The following PCDH15 variants were observed in gnomAD, a reference collection of about 807,000 sequenced individuals.
PCDH15 encodes the protein protocadherin related 15.
Under a neutral mutation model 178.5 loss-of-function variants are expected in PCDH15, and 129 were observed. The ratio of observed to expected loss-of-function variants is 0.72; its 90% confidence interval spans 0.63 to 0.84. The LOEUF (loss-of-function observed/expected upper bound fraction) is 0.84, where lower values mean the gene tolerates loss of function less well. Among genes scored for constraint, PCDH15 ranks in the 40% least tolerant of loss-of-function variants. The pLI is 0.00. For missense variants in PCDH15, 2,230 were observed against 2,099.9 expected (o/e 1.06, Z -1.21); for synonymous variants, 800 against 732.0 (o/e 1.09, Z -1.50).
intron 11 of PCDH15, among the ~76,000 whole-genome samples, chr10:54,191,751 C>CA (rs10564694): frequency 0.25 from 32,745 of 128,818 alleles, 4,771 homozygotes; most frequent in Non-Finnish European, 0.36. Context: ...ACAAAAAATG[C>CA]AAAAAAAAAA....
At chr10:54,635,415 C>T (rs1041693729) in intron 2 of PCDH15, among the ~76,000 whole-genome samples, 1 of 151,380 alleles carries the variant, frequency 6.6e-6, no homozygotes, top group African/African-American at 2.4e-5. Context: ...CACATAATTT[C>T]ATACACTGTG....
intron 13 of PCDH15, among the ~76,000 whole-genome samples, chr10:54,156,341 G>A (rs932067339): frequency 2.0e-5 from 3 of 152,096 alleles, no homozygotes; most frequent in Non-Finnish European, 4.4e-5. Flanking sequence ...ATTTACAAAG[G>A]GAAGGTTTAT....
intron 1 of PCDH15, among the ~76,000 whole-genome samples, chr10:55,287,546 C>A (rs1564970565): frequency 6.6e-6 from 1 of 151,964 alleles, no homozygotes; most frequent in Non-Finnish European, 1.5e-5. Flanking sequence ...ATGTTCAATG[C>A]CTGAGTTGCA....
At chr10:54,701,287 T>C (rs1363499043) in intron 1 of PCDH15, among the ~76,000 whole-genome samples, 1 of 152,068 alleles carries the variant, frequency 6.6e-6, no homozygotes, top group Non-Finnish European at 1.5e-5. Context: ...TGACCTGCCT[T>C]AAAAGAGGTC....
intron 5 of PCDH15, among the ~76,000 whole-genome samples, chr10:54,350,607 C>T (rs2134245288): frequency 6.6e-6 from 1 of 152,280 alleles, no homozygotes; most frequent in African/African-American, 2.4e-5. Flanking sequence ...TCTGAAAAGT[C>T]TAAAAAGGCT....
chr10:54,909,003 G>C (rs1954773584), intron 2 of PCDH15, among the ~76,000 whole-genome samples: 1 of 152,152 alleles, frequency 6.6e-6, no homozygotes, highest in Non-Finnish European at 1.5e-5. Flanking sequence ...TGCTAGGCAG[G>C]TCATCCCGAC....
intron 26 of PCDH15, among the ~76,000 whole-genome samples, chr10:53,890,944 C>G (rs2081513738): frequency 6.6e-6 from 1 of 152,092 alleles, no homozygotes; most frequent in African/African-American, 2.4e-5. Context: ...TTTCTTATGG[C>G]TTATTTGGAA....
At chr10:54,166,285 T>A (rs893060848) in intron 13 of PCDH15, among the ~76,000 whole-genome samples, 2 of 152,196 alleles carry the variant, frequency 1.3e-5, no homozygotes, top group African/African-American at 4.8e-5. Context: ...ATTGTGATGT[T>A]TTCTGATTAT....
At chr10:54,945,944 T>A (rs1838188758) in intron 2 of PCDH15, among the ~76,000 whole-genome samples, 1 of 151,854 alleles carries the variant, frequency 6.6e-6, no homozygotes, top group Admixed American at 6.6e-5. Flanking sequence ...TGTGTTTCAA[T>A]GTACTCAATT....
chr10:54,115,220 T>C (rs1039795592), intron 15 of PCDH15, among the ~76,000 whole-genome samples: 7 of 152,070 alleles, frequency 4.6e-5, no homozygotes. Context: ...AAGAGAAAGG[T>C]CAGGGTTCAC....
At chr10:55,185,697 T>C (rs1268748242) in intron 1 of PCDH15, among the ~76,000 whole-genome samples, 2 of 151,782 alleles carry the variant, frequency 1.3e-5, no homozygotes, top group Non-Finnish European at 3.0e-5. Context: ...TTGTTTTCTA[T>C]GCATGAACAG....
intron 1 of PCDH15, among the ~76,000 whole-genome samples, chr10:54,672,821 T>G (rs1020711965): frequency 6.6e-6 from 1 of 152,128 alleles, no homozygotes; most frequent in African/African-American, 2.4e-5. Context: ...TTGAACAAAT[T>G]TTGAGCTATA....
chr10:54,619,991 C>A (rs75035089), intron 2 of PCDH15, among the ~76,000 whole-genome samples: 4,765 of 151,514 alleles, frequency 0.031, 227 homozygotes, highest in African/African-American at 0.1. Context: ...GGGAAAAAAT[C>A]AAAAAAACAG....
chr10:54,468,866 C>A (rs969583458), intron 3 of PCDH15, among the ~76,000 whole-genome samples: 7 of 151,988 alleles, frequency 4.6e-5, no homozygotes, highest in African/African-American at 1.7e-4. Context: ...TTGTTATATT[C>A]TTTTGCTGAA....
At chr10:55,300,083 A>G (rs1337868290) in intron 1 of PCDH15, among the ~76,000 whole-genome samples, 1 of 152,190 alleles carries the variant, frequency 6.6e-6, no homozygotes, top group Non-Finnish European at 1.5e-5. Context: ...TTTTTAAAAT[A>G]CTTATTACAG....
intron 2 of PCDH15, among the ~76,000 whole-genome samples, chr10:55,352,146 T>C (rs916006101): frequency 6.6e-6 from 1 of 152,176 alleles, no homozygotes; most frequent in Non-Finnish European, 1.5e-5. Context: ...TTGTTGAAAT[T>C]TACCATTTGA....
chr10:54,894,565 A>G (rs773916453), intron 3 of PCDH15, among the ~76,000 whole-genome samples: 23 of 152,188 alleles, frequency 1.5e-4, no homozygotes, highest in Admixed American at 6.6e-5. Flanking sequence ...AACATTTTGT[A>G]GTTCAAATAT....
chr10:54,824,918 A>C (rs1953100643), intron 3 of PCDH15, among the ~76,000 whole-genome samples: 1 of 152,058 alleles, frequency 6.6e-6, no homozygotes, highest in African/African-American at 2.4e-5. Flanking sequence ...ACATGTGCAC[A>C]ATGTGCAGGT....
chr10:54,182,480 G>C (rs2048076148), intron 13 of PCDH15, among the ~76,000 whole-genome samples: 1 of 141,822 alleles, frequency 7.1e-6, no homozygotes, highest in Non-Finnish European at 1.5e-5. Flanking sequence ...CTATGACCTT[G>C]ATGAGAGAGG....
Sources: allele counts gnomAD v4.1 joint callset (sites outside exome capture counted in the v4.1 genomes callset), GRCh38; gene constraint gnomAD v4.1.1; transcripts MANE v1.5; gene names NCBI Gene and HGNC (gene_info 2026-07-23, HGNC 2026-07-21).